Variants in CELA2B observed in about 807,000 individuals in gnomAD.
CELA2B encodes chymotrypsin-like elastase family member 2B.
A neutral mutation model predicts 36.5 loss-of-function variants in CELA2B; 27 were observed. The observed-to-expected ratio is 0.74, with a 90% CI of 0.55 to 1.02. The LOEUF is 1.02. CELA2B is among the 50% of genes least tolerant of loss of function. The pLI is 0.00. For synonymous variants in CELA2B, 143 were observed against 148.5 expected (o/e 0.96, Z 0.27); for missense variants, 340 against 347.8 (o/e 0.98, Z 0.18).
At chr1:15,482,541 G>A (rs3766161) in intron 4 of CELA2B, 148 bp downstream of exon 4, 296,957 of 1,178,692 alleles carry the variant, frequency 0.25, 41,738 homozygotes, top group East Asian at 0.55. Context: ...ATGTGGAACC[G>A]GCTCCAAAGA....
At chr1:15,476,669 C>A in intron 2 of CELA2B, 124 bp downstream of exon 2, 1 of 902,580 alleles carries the variant, frequency 1.1e-6, no homozygotes, top group Non-Finnish European at 1.8e-6. Flanking sequence ...CAGAGAGCAG[C>A]ACAGGAAACT....
chr1:15,479,507 CT>C (rs776062395), intron 2 of CELA2B, among the ~76,000 whole-genome samples: 48 of 152,296 alleles, frequency 3.2e-4, no homozygotes, highest in East Asian at 2.5e-3. Context: ...TATCGTGCCA[CT>C]GCACTCCAGC....
rs1708736984 is a variant in CELA2B, at chr1:15,481,129, G to A, written c.161G>A (p.Trp54Ter). ...CTGCAGTACAGCTCCAATGGCCAGT[G>A]GTACCACACCTGCGGAGGGTCCCTG... ...VSLQYSSNGQ[W>*]YHTCGGSLIA... Residue 54 changes from tryptophan (W) to a stop codon, truncating the protein, a stop_gained, in exon 3 of 8, where the codon TGG becomes TAG. Coordinates refer to ENST00000375910, the MANE Select transcript of CELA2B (RefSeq NM_015849.3). LOFTEE classifies it high-confidence loss of function. 6.2e-7 allele frequency: 1 copy of A among 1,613,176 alleles called. No homozygotes were observed. The highest frequency in any genetic ancestry group is 1.3e-5 in the African/African-American group (1 of 75,022).
In CELA2B at chr1:15,481,977, T is replaced by C. The variant is rs1289642866; in HGVS notation, c.228-288T>C. Among the ~76,000 whole-genome samples the C allele has an allele frequency of 3.3e-5, 5 of 151,396 alleles. No individual in the cohort carries two copies. The Admixed American group carries it at 3.3e-4, about 10-fold the overall frequency. ...TCCTTGAGGGCAAATGACTCCTGTT[T>C]TCTCTGTGTTCATCTCATTCCTCCA... On this transcript the variant is annotated intron_variant, in intron 3 of 7. Coordinates refer to ENST00000375910, the MANE Select transcript of CELA2B (RefSeq NM_015849.3).
intron 7 of CELA2B, among the ~76,000 whole-genome samples, chr1:15,488,820 T>C (rs1342853582): frequency 6.6e-6 from 1 of 152,232 alleles, no homozygotes; most frequent in East Asian, 1.9e-4. Flanking sequence ...ACTGTCAAAA[T>C]AAGCAGGTGG....
At chr1:15,487,539 G>C in intron 7 of CELA2B, 102 bp downstream of exon 7, 2 of 1,477,548 alleles carry the variant, frequency 1.4e-6, no homozygotes, top group Middle Eastern at 4.2e-4. Context: ...CCTTCCTCTT[G>C]AGAGCTAGAT....
At chr1:15,489,564 G>C (rs1557527957) in intron 7 of CELA2B, among the ~76,000 whole-genome samples, 1 of 152,110 alleles carries the variant, frequency 6.6e-6, no homozygotes, top group Non-Finnish European at 1.5e-5. Context: ...TAGAGCCCTG[G>C]GGGTGACTGA....
Position 15,486,214 on chromosome 1 carries a change from C to A in CELA2B, c.639+168C>A, listed in dbSNP as rs192259053. Among the ~76,000 whole-genome samples, 4 of 152,298 alleles carry A rather than the reference C, an allele frequency of 2.6e-5. No homozygotes were observed. The East Asian group carries it at 7.7e-4, about 29-fold the overall frequency. ...CCTGACCTTTGGCCAGGCATAGTGG[C>A]TCATGCCTGTAATCCCAGCACTTTG... is the stretch of plus-strand genomic sequence containing the variant. On this transcript the variant is annotated intron_variant, in intron 6 of 7. Transcript: ENST00000375910.
chr1:15,485,057 C>G (rs962787376), intron 5 of CELA2B, among the ~76,000 whole-genome samples: 1 of 152,038 alleles, frequency 6.6e-6, no homozygotes, highest in Non-Finnish European at 1.5e-5. Flanking sequence ...GCACCACGCC[C>G]AGCTAATTTC....
chr1:15,483,606 T>G (rs1708769499), intron 5 of CELA2B, among the ~76,000 whole-genome samples: 1 of 152,194 alleles, frequency 6.6e-6, no homozygotes, highest in Non-Finnish European at 1.5e-5. Flanking sequence ...ACTAGGTCTC[T>G]CCAAGCTGCA....
intron 2 of CELA2B, among the ~76,000 whole-genome samples, chr1:15,478,228 A>ATATATATATATATATATATATT (rs1708696673): frequency 6.7e-6 from 1 of 150,316 alleles, no homozygotes; most frequent in African/African-American, 2.5e-5. Context: ...TGGGATATAT[A>ATATATATATATATATATATATT]GTTTGTTTGT....
At chr1:15,491,174 A>T in intron 7 of CELA2B, 121 bp from the exon 8 acceptor site, 1 of 1,059,446 alleles carries the variant, frequency 9.4e-7, no homozygotes, top group Non-Finnish European at 1.5e-6. Context: ...GAGCTACTGT[A>T]GTGTGGGCTG....
intron 5 of CELA2B, 82 bp downstream of exon 5, chr1:15,483,482 CAT>C (rs1426633994): frequency 4.3e-5 from 68 of 1,595,588 alleles, no homozygotes; most frequent in East Asian, 8.9e-5. Flanking sequence ...TCTCACCTCA[CAT>C]GTTATCCTGG....
rs757905911 is a variant in CELA2B at position 15,483,139 on chromosome 1, C to T, written c.357-125C>T. 812 of 1,439,966 alleles carry T rather than the reference C, an allele frequency of 5.6e-4. 1 individual carries two copies. The highest frequency in any genetic ancestry group is 5.4e-4 in the Non-Finnish European group (568 of 1,060,586). 89.2% of individuals were successfully genotyped at this position (1,439,966 alleles called of 1,614,324 possible). On this transcript the variant is annotated intron_variant, in intron 4 of 7. Transcript: ENST00000375910. ...TACATTTTCAAACATGCCCTGTGGG[C>T]CCTGCCGGTCAGAGCAACCTGGGGT...
rs1708673343 is a variant in CELA2B at position 15,476,529 on chromosome 1, A to G, written c.113A>G (p.Asn38Ser). Reference sequence around the variant, plus strand: ...CTTGGAGGTGAAGAAGCGAGGCCCAACAGCTGGCCCTGGCAGGTGAGTTGA... The same window carrying G: ...CTTGGAGGTGAAGAAGCGAGGCCCAGCAGCTGGCCCTGGCAGGTGAGTTGA... Reference protein sequence around the residue: ...RMLGGEEARPNSWPWQVSLQY... With the variant: ...RMLGGEEARPSSWPWQVSLQY... Residue 38 changes from asparagine to serine, a missense_variant, in exon 2 of 8, where the codon AAC (asparagine) becomes AGC (serine). Physicochemically the swap from Asn to Ser is conservative, Grantham distance 46 (BLOSUM62 1). Transcript: ENST00000375910. The G allele has an allele frequency of 6.2e-7, 1 of 1,613,784 alleles. No individual in the cohort carries two copies. Among genetic ancestry groups the G allele is most frequent in the Non-Finnish European group, 8.5e-7 (1 of 1,180,004 alleles).
intron 5 of CELA2B, among the ~76,000 whole-genome samples, chr1:15,485,624 T>G (rs1299494023): frequency 1.3e-5 from 2 of 152,220 alleles, no homozygotes; most frequent in African/African-American, 4.8e-5. Flanking sequence ...CTTCCAAGAT[T>G]TGCATCCTCT....
intron 7 of CELA2B, chr1:15,490,952 C>A: frequency 3.1e-6 from 1 of 322,934 alleles, no homozygotes; most frequent in Non-Finnish European, 5.9e-6. Context: ...AACTGCCTTG[C>A]AAACAGCAGT....
At chr1:15,480,281 C>G (rs1272225425) in intron 2 of CELA2B, among the ~76,000 whole-genome samples, 1 of 152,144 alleles carries the variant, frequency 6.6e-6, no homozygotes, top group African/African-American at 2.4e-5. Flanking sequence ...GCAATCGCAG[C>G]TCACTGCAAG....
In CELA2B at chr1:15,481,208, C is replaced by A; in HGVS notation, c.227+13C>A. ...CCCACTGCATCAGGTAACTGCCATT[C>A]CCTGGGCGCTTGGCCTGCTCACCAG... On this transcript the variant is annotated intron_variant, in intron 3 of 7. Coordinates refer to ENST00000375910, the MANE Select transcript of CELA2B (RefSeq NM_015849.3). 1 of 1,614,182 alleles carries A rather than the reference C, an allele frequency of 6.2e-7. No homozygotes were observed. The highest frequency in any genetic ancestry group is 1.7e-5 in the Admixed American group (1 of 60,034).
Sources: gnomAD v4.1 joint callset for allele counts (sites outside exome capture counted in the v4.1 genomes callset) on GRCh38, gnomAD v4.1.1 for gene constraint, MANE v1.5 for transcripts, NCBI Gene and HGNC (gene_info 2026-07-23, HGNC 2026-07-21) for gene names.